The following MIGA2 variants were observed in gnomAD, a reference collection of about 807,000 sequenced individuals.
MIGA2 encodes family with sequence similarity 73, member B.
Under a neutral mutation model 69.9 loss-of-function variants are expected in MIGA2, and 36 were observed. That is an observed-to-expected ratio of 0.52 (90% CI 0.39 to 0.68). MIGA2 has a LOEUF of 0.68. Ranked by LOEUF, MIGA2 falls within the 30% of genes least tolerant of loss-of-function variation. The pLI is 0.00. For missense variants in MIGA2, 660 were observed against 787.7 expected, an observed-to-expected ratio of 0.84 and a Z score of 1.94; for synonymous variants, 333 against 349.2, an observed-to-expected ratio of 0.95 and a Z score of 0.52.
chr9:129,048,340 G>A lies in MIGA2; in HGVS notation c.308-87G>A, dbSNP rs937535835. ...TCGGGACCGATTCCCAGATGAGGAA[G>A]AAGGGGAAGGTGGTCCAGAGTGGGG... On this transcript the variant is annotated intron_variant, in intron 3 of 15. Coordinates refer to ENST00000684074, the MANE Select transcript of MIGA2 (RefSeq NM_001329990.2). The A allele has an allele frequency of 2.7e-6, 3 of 1,101,888 alleles. No individual in the cohort carries two copies. The African/African-American group carries it at 4.6e-5, about 17-fold the overall frequency. The allele number at this position is 1,101,888 out of a possible 1,614,324, so 68.3% of individuals were successfully genotyped here. A position where few individuals can be genotyped will look rare whatever the true frequency, so the allele number is the denominator to read the frequency against.
chr9:129,042,035 G>A (rs1251322071), intron 2 of MIGA2: 4 of 486,570 alleles, frequency 8.2e-6, no homozygotes, highest in Admixed American at 6.6e-5. Flanking sequence ...TGTTCACTGC[G>A]GCTTGTGTGC....
intron 6 of MIGA2, among the ~76,000 whole-genome samples, chr9:129,055,146 T>C (rs1055920851): frequency 6.6e-6 from 1 of 151,650 alleles, no homozygotes; most frequent in Admixed American, 6.6e-5. Context: ...GGCGCGATCT[T>C]GGCTCACTGC....
In MIGA2 at chr9:129,069,443, G is replaced by A. The variant is rs970330703; in HGVS notation, c.1458+314G>A. 346 of 535,998 alleles carry A rather than the reference G, an allele frequency of 6.5e-4. 1 individual carries two copies. The highest frequency in any genetic ancestry group is 9.5e-4 in the Non-Finnish European group (282 of 296,976). 33.2% of individuals were successfully genotyped at this position (535,998 alleles called of 1,614,324 possible). ...GTGGGGGCAGGATACCCAGGAGCAA[G>A]CAGAGCCCTGTCCCTCCTGCCCTTT... is the stretch of plus-strand genomic sequence containing the variant. On this transcript the variant is annotated intron_variant, in intron 14 of 15. Transcript: ENST00000684074. The surrounding 1 kb of genome is among the most constrained non-coding windows in gnomAD (Gnocchi z 4.9).
In MIGA2 at chr9:129,061,181, G is replaced by T; in HGVS notation, c.895-50G>T. ...TGGGCAGGTGCCCTTGCGCCGTGGC[G>T]TGCTGCTCACATGGGCTTCCCTGGT... On this transcript the variant is annotated intron_variant, in intron 8 of 15. Transcript: ENST00000684074. The surrounding 1 kb of genome is among the most constrained non-coding windows in gnomAD (Gnocchi z 5.0). 1 of 1,517,622 alleles carries T rather than the reference G, an allele frequency of 6.6e-7. No homozygotes were observed. 94.0% of individuals were successfully genotyped at this position (1,517,622 alleles called of 1,614,324 possible).
chr9:129,056,067 C>T (rs1012863302), intron 6 of MIGA2, among the ~76,000 whole-genome samples: 5 of 150,544 alleles, frequency 3.3e-5, no homozygotes, highest in Non-Finnish European at 7.4e-5. Context: ...GGGAGGATTG[C>T]CTGAGCCCAT....
Position 129,059,966 on chromosome 9 carries a change from T to C in MIGA2, c.794-584T>C, listed in dbSNP as rs549288104. Among the ~76,000 whole-genome samples the C allele has an allele frequency of 1.3e-5, 2 of 152,248 alleles. No individual in the cohort carries two copies. The highest frequency in any genetic ancestry group is 4.1e-4 in the South Asian group (2 of 4,828). ...CTCTGTTGGAGGAATCTGCCTCCTC[T>C]GGCCTCCCTACATGGCAGAAAGGGC... On this transcript the variant is annotated intron_variant, in intron 7 of 15. Coordinates refer to ENST00000684074, the MANE Select transcript of MIGA2 (RefSeq NM_001329990.2). The surrounding 1 kb of genome is among the most constrained non-coding windows in gnomAD (Gnocchi z 5.6).
At chr9:129,037,447 C>T (rs919500002) in intron 1 of MIGA2, among the ~76,000 whole-genome samples, 2 of 152,156 alleles carry the variant, frequency 1.3e-5, no homozygotes, top group Admixed American at 1.3e-4. Flanking sequence ...TAGAAGTGTC[C>T]ATTTGGTAGG....
chr9:129,065,679 CT>C (rs1007312841), intron 11 of MIGA2, among the ~76,000 whole-genome samples: 1 of 152,140 alleles, frequency 6.6e-6, no homozygotes, highest in African/African-American at 2.4e-5. Context: ...AAGACAACGC[CT>C]GTATAACCAG....
In MIGA2 at chr9:129,068,269, C is replaced by T. The variant is rs372490836; in HGVS notation, c.1341C>T (p.Asn447=). The part of the protein sequence containing the change: ...ILMDAFEDLE[N]PPASVLAVLR... Reference sequence around the variant, plus strand: ...TGGACGCCTTCGAGGACCTGGAGAACCCTCCGGCCTCGGTGCTCGCCGTCC... The same window carrying T: ...TGGACGCCTTCGAGGACCTGGAGAATCCTCCGGCCTCGGTGCTCGCCGTCC... The change falls in exon 13 of 16, where the codon AAC becomes AAT. Residue 447 remains asparagine, a synonymous_variant. Transcript: ENST00000684074. The surrounding 1 kb of genome is among the most constrained non-coding windows in gnomAD (Gnocchi z 4.1). 2 of 1,613,108 alleles carry T rather than the reference C, an allele frequency of 1.2e-6. No individual in the cohort carries two copies. Among genetic ancestry groups the T allele is most frequent in the Non-Finnish European group, 1.7e-6 (2 of 1,179,976 alleles).
At chr9:129,050,264 C>CTTTGT (rs148760787) in intron 6 of MIGA2, among the ~76,000 whole-genome samples, 26 of 152,006 alleles carry the variant, frequency 1.7e-4, no homozygotes, top group East Asian at 1.2e-3. Flanking sequence ...ATTGCCTGGC[C>CTTTGT]TTTGTTTTGT....
At chr9:129,040,385 C>G (rs1844833215) in intron 1 of MIGA2, 67 bp from the exon 2 acceptor site, 5 of 1,205,574 alleles carry the variant, frequency 4.1e-6, no homozygotes, top group Middle Eastern at 2.1e-4. Context: ...GGACGCTCTT[C>G]TTGAGTGCAT....
chr9:129,068,556 T>A lies in MIGA2; in HGVS notation c.1404+224T>A. On this transcript the variant is annotated intron_variant, in intron 13 of 15. Coordinates refer to ENST00000684074, the MANE Select transcript of MIGA2 (RefSeq NM_001329990.2). This position sits in a 1 kb window ranked among gnomAD's most constrained non-coding sequence, Gnocchi z 4.1. ...TAGAACCAACATGGTGTGCGCTTTC[T>A]TCCTATTGTGTGGTTTTACTTTTGT... 1 of 562,318 alleles carries A rather than the reference T, an allele frequency of 1.8e-6. No individual in the cohort carries two copies. The highest frequency in any genetic ancestry group is 3.1e-6 in the Non-Finnish European group (1 of 317,516). The allele number at this position is 562,318 out of a possible 1,614,324, so 34.8% of individuals were successfully genotyped here.
chr9:129,064,374 T>C (rs1846229546), intron 11 of MIGA2, among the ~76,000 whole-genome samples: 1 of 151,898 alleles, frequency 6.6e-6, no homozygotes, highest in African/African-American at 2.4e-5. Context: ...GCCCGGCTAA[T>C]TTTTTTGTAT....
At chr9:129,039,219 GT>G (rs1844766791) in intron 1 of MIGA2, among the ~76,000 whole-genome samples, 1 of 136,616 alleles carries the variant, frequency 7.3e-6, no homozygotes, top group Non-Finnish European at 1.5e-5. Context: ...GTGTGTGTGT[GT>G]TTTATTTTAT....
At chr9:129,040,195 C>T (rs1159786624) in intron 1 of MIGA2, among the ~76,000 whole-genome samples, 1 of 152,220 alleles carries the variant, frequency 6.6e-6, no homozygotes. Context: ...CTGTCCACCT[C>T]CCAGGTTCTG....
chr9:129,043,998 CT>C (rs111447900), intron 3 of MIGA2, among the ~76,000 whole-genome samples: 199 of 142,250 alleles, frequency 1.4e-3, no homozygotes, highest in Admixed American at 1.4e-3. Flanking sequence ...ACCTGCCCGG[CT>C]TTTTTTTTTT....
In MIGA2 at chr9:129,069,833, C is replaced by T; in HGVS notation, c.1459-16C>T. On this transcript the variant is annotated splice_polypyrimidine_tract_variant and intron_variant, in intron 14 of 15. Coordinates refer to ENST00000684074, the MANE Select transcript of MIGA2 (RefSeq NM_001329990.2). The surrounding 1 kb of genome is among the most constrained non-coding windows in gnomAD (Gnocchi z 4.9). ...CCTGGGCCCCGCCTGGCCCCTCAGC[C>T]TTGTGCCCACCGCAGGTGCCTGATG... The T allele has an allele frequency of 6.3e-7, 1 of 1,596,242 alleles. No individual in the cohort carries two copies. The highest frequency in any genetic ancestry group is 1.1e-5 in the South Asian group (1 of 90,772).
chr9:129,043,676 C>T (rs781462206), intron 3 of MIGA2, among the ~76,000 whole-genome samples: 4 of 151,776 alleles, frequency 2.6e-5, no homozygotes, highest in African/African-American at 4.8e-5. Flanking sequence ...TGTGAGCCAC[C>T]GCACCCGGCC....
chr9:129,049,900 C>T lies in MIGA2; in HGVS notation c.612C>T (p.Gly204=), dbSNP rs757741890. The T allele has an allele frequency of 6.2e-7, 1 of 1,613,866 alleles. No homozygotes were observed. The highest frequency in any genetic ancestry group is 1.7e-5 in the Admixed American group (1 of 60,002). ...ALSVGQRGDS[G]STPMPRDGLR... is the part of the protein sequence containing the mutation. ...GCGTGGGCCAGCGGGGGGACAGCGG[C>T]AGCACCCCCATGCCCAGGGACGGCC... The change falls in exon 6 of 16, where the codon GGC becomes GGT. Residue 204 remains glycine, a synonymous_variant. Coordinates refer to ENST00000684074, the MANE Select transcript of MIGA2 (RefSeq NM_001329990.2).
Sources: gnomAD v4.1 joint callset for allele counts (sites outside exome capture counted in the v4.1 genomes callset) on GRCh38, gnomAD v4.1.1 for gene constraint, Gnocchi (gnomAD v3.1) non-coding constraint, MANE v1.5 for transcripts, NCBI Gene and HGNC (gene_info 2026-07-23, HGNC 2026-07-21) for gene names.